Variants in ZNF385B observed in about 807,000 individuals in gnomAD.
The protein encoded by ZNF385B is zinc finger protein 533.
ZNF385B carries 23 observed loss-of-function variants against 39.2 expected under a neutral mutation model. The ratio of observed to expected loss-of-function variants is 0.59; its 90% confidence interval spans 0.42 to 0.83. The LOEUF (loss-of-function observed/expected upper bound fraction) is 0.83. Ranked by LOEUF, ZNF385B falls within the 40% of genes least tolerant of loss-of-function variation. The probability of loss-of-function intolerance (pLI) is 0.00; values close to 1 mark genes in which losing one functional copy is unlikely to be tolerated. For missense variants in ZNF385B, 552 were observed against 598.9 expected, an observed-to-expected ratio of 0.92 and a Z score of 0.82; for synonymous variants, 205 against 222.6, an observed-to-expected ratio of 0.92 and a Z score of 0.70.
At chr2:179,504,141 C>G (rs2057028244) in intron 5 of ZNF385B, among the ~76,000 whole-genome samples, 2 of 148,524 alleles carry the variant, frequency 1.3e-5, no homozygotes, top group African/African-American at 5.0e-5. Flanking sequence ...GTTTTTTGTT[C>G]TTGCGATAGT....
intron 5 of ZNF385B, among the ~76,000 whole-genome samples, chr2:179,503,857 TTTC>T (rs2056984553): frequency 2.0e-5 from 3 of 148,098 alleles, no homozygotes; most frequent in Admixed American, 2.0e-4. Context: ...TGTGCCACAT[TTTC>T]TTTTTTTTTT....
chr2:179,444,960 C>G lies in ZNF385B; in HGVS notation c.1158G>C (p.Arg386Ser). 6.2e-7 allele frequency: 1 copy of G among 1,614,082 alleles called. No individual in the cohort carries two copies. Among genetic ancestry groups the G allele is most frequent in the Non-Finnish European group, 8.5e-7 (1 of 1,179,956 alleles). Residue 386 changes from arginine (R) to serine (S), a missense_variant, in exon 9 of 10, where the codon AGG becomes AGC. Arg to Ser is a moderately radical substitution (Grantham distance 110). Coordinates refer to ENST00000410066, the MANE Select transcript of ZNF385B (RefSeq NM_152520.6). ...GTTTCCCTGCAACTCGATCTTTATGCCTTCGGCTAGAAATGTGCTGAAAAA... is the reference window on the plus strand; with the variant it reads ...GTTTCCCTGCAACTCGATCTTTATGGCTTCGGCTAGAAATGTGCTGAAAAA... ...IQLKQHISSRRHKDRVAGKPL... is the reference protein window; with the variant it reads ...IQLKQHISSRSHKDRVAGKPL...
At chr2:179,474,396 T>C (rs1275963333) in intron 6 of ZNF385B, among the ~76,000 whole-genome samples, 3 of 152,194 alleles carry the variant, frequency 2.0e-5, no homozygotes, top group South Asian at 4.1e-4. Context: ...TATCTTTACA[T>C]AGTAGTAACA....
chr2:179,488,377 C>G (rs1574401562), intron 5 of ZNF385B, among the ~76,000 whole-genome samples: 1 of 152,302 alleles, frequency 6.6e-6, no homozygotes, highest in Non-Finnish European at 1.5e-5. Flanking sequence ...ATCTCCTGAC[C>G]TCGTGATCCG....
chr2:179,531,518 C>T (rs1411438833), intron 4 of ZNF385B, among the ~76,000 whole-genome samples: 1 of 152,004 alleles, frequency 6.6e-6, no homozygotes, highest in African/African-American at 2.4e-5. Context: ...CACCTGTAAT[C>T]CCAGCTACTG....
chr2:179,847,001 T>C (rs547224944), intron 1 of ZNF385B, among the ~76,000 whole-genome samples: 1 of 152,334 alleles, frequency 6.6e-6, no homozygotes, highest in South Asian at 2.1e-4. Context: ...TTAAAGAGAA[T>C]GTGAATAAAT....
At chr2:179,450,096 T>C (rs1210672529) in intron 6 of ZNF385B, among the ~76,000 whole-genome samples, 3 of 151,816 alleles carry the variant, frequency 2.0e-5, no homozygotes, top group Admixed American at 6.6e-5. Context: ...TATACAAAAA[T>C]TAATTCAAGA....
intron 5 of ZNF385B, among the ~76,000 whole-genome samples, chr2:179,512,353 G>A (rs1373015245): frequency 6.6e-6 from 1 of 152,136 alleles, no homozygotes; most frequent in African/African-American, 2.4e-5. Context: ...TTTGTATAAA[G>A]ATTTGATTTT....
chr2:179,445,250 G>T (rs1049332326), intron 8 of ZNF385B, among the ~76,000 whole-genome samples: 4 of 152,070 alleles, frequency 2.6e-5, no homozygotes, highest in African/African-American at 9.7e-5. Flanking sequence ...TGAGCCTTTG[G>T]AAGATAGGCT....
At chr2:179,752,647 T>G (rs1702750784) in intron 3 of ZNF385B, among the ~76,000 whole-genome samples, 1 of 152,184 alleles carries the variant, frequency 6.6e-6, no homozygotes, top group South Asian at 2.1e-4. Flanking sequence ...TGAGATGGTA[T>G]CTCATTGTGG....
intron 3 of ZNF385B, among the ~76,000 whole-genome samples, chr2:179,587,484 G>A (rs1206336056): frequency 2.0e-5 from 3 of 152,132 alleles, no homozygotes; most frequent in African/African-American, 7.2e-5. Flanking sequence ...GTAAAACAGA[G>A]CACTTAACTG....
chr2:179,696,934 C>T lies in ZNF385B; in HGVS notation c.298+72569G>A, dbSNP rs549925359. Among the ~76,000 whole-genome samples, 22 of 152,140 alleles carry T rather than the reference C, an allele frequency of 1.4e-4. No homozygotes were observed. In the South Asian group the frequency reaches 4.2e-3, roughly 29 times the overall value. On this transcript the variant is annotated intron_variant, in intron 3 of 9. Transcript: ENST00000410066. ...GACAACAATAGTCGAACCACAATGC[C>T]GAAGCTTGGCATGGTCACAGACAGA...
chr2:179,596,220 C>CAGGAT (rs1054894696), intron 3 of ZNF385B, among the ~76,000 whole-genome samples: 2 of 152,152 alleles, frequency 1.3e-5, no homozygotes, highest in African/African-American at 4.8e-5. Context: ...AGGCGTTGAA[C>CAGGAT]AGGATAGACT....
intron 3 of ZNF385B, among the ~76,000 whole-genome samples, chr2:179,588,201 G>A (rs894531196): frequency 6.6e-6 from 1 of 152,014 alleles, no homozygotes; most frequent in Non-Finnish European, 1.5e-5. Flanking sequence ...CCATTCTCCT[G>A]CCTCAGCCTC....
intron 1 of ZNF385B, among the ~76,000 whole-genome samples, chr2:179,830,704 A>T (rs1398477446): frequency 6.6e-6 from 1 of 152,192 alleles, no homozygotes; most frequent in East Asian, 1.9e-4. Flanking sequence ...TTTCCGGTGG[A>T]TGGGGAGGCA....
intron 3 of ZNF385B, among the ~76,000 whole-genome samples, chr2:179,758,004 A>G (rs920127226): frequency 6.6e-6 from 1 of 151,922 alleles, no homozygotes; most frequent in African/African-American, 2.4e-5. Context: ...AGTGAGATTA[A>G]CCCCGTACCT....
At chr2:179,841,062 C>A (rs1017595573) in intron 1 of ZNF385B, among the ~76,000 whole-genome samples, 13 of 152,220 alleles carry the variant, frequency 8.5e-5, no homozygotes, top group Non-Finnish European at 1.9e-4. Context: ...AAAGGTTTTT[C>A]TCTGCATTTC....
At chr2:179,716,104 C>T (rs1418137203) in intron 3 of ZNF385B, among the ~76,000 whole-genome samples, 4 of 152,136 alleles carry the variant, frequency 2.6e-5, no homozygotes, top group Admixed American at 6.5e-5. Context: ...TTGTGTTTAT[C>T]TTCTTGCTTT....
At chr2:179,562,428 A>C (rs1211574852) in intron 3 of ZNF385B, 4 of 985,292 alleles carry the variant, frequency 4.1e-6, no homozygotes, top group Non-Finnish European at 4.8e-6. Context: ...GTCCACGTTC[A>C]CGTCTGCATT....
Sources: gnomAD v4.1 joint callset for allele counts (sites outside exome capture counted in the v4.1 genomes callset) on GRCh38, gnomAD v4.1.1 for gene constraint, MANE v1.5 for transcripts, NCBI Gene and HGNC (gene_info 2026-07-23, HGNC 2026-07-21) for gene names.